The following LUZP2 variants were observed in gnomAD, a reference collection of about 807,000 sequenced individuals.
LUZP2 encodes the protein leucine zipper protein 2.
Under a neutral mutation model 51.6 loss-of-function variants are expected in LUZP2, and 52 were observed. That is an observed-to-expected ratio of 1.01 (90% confidence interval 0.81 to 1.27). LUZP2 has a LOEUF of 1.27. LUZP2 is among the 50% of genes most tolerant of loss of function. The pLI is 0.00. For missense variants in LUZP2, 436 were observed against 395.4 expected (o/e 1.10, Z -0.87); for synonymous variants, 154 against 137.3 (o/e 1.12, Z -0.85).
intron 9 of LUZP2, among the ~76,000 whole-genome samples, chr11:25,044,987 C>A (rs1858250101): frequency 7.2e-6 from 1 of 138,990 alleles, no homozygotes; most frequent in Admixed American, 8.3e-5. Flanking sequence ...CATGTTCTCA[C>A]TCATAGGTGG....
At chr11:24,557,158 T>C (rs146174401) in intron 1 of LUZP2, among the ~76,000 whole-genome samples, 1 of 150,002 alleles carries the variant, frequency 6.7e-6, no homozygotes, top group Non-Finnish European at 1.5e-5. Context: ...TGATGACTTG[T>C]CTTTATTTGC....
chr11:24,556,362 G>A (rs1396853), intron 1 of LUZP2, among the ~76,000 whole-genome samples: 150,713 of 152,298 alleles, frequency 0.99, 74,596 homozygotes, highest in Non-Finnish European at 1. Context: ...TAAAATTATT[G>A]TCTAATAGTT....
intron 9 of LUZP2, among the ~76,000 whole-genome samples, chr11:25,007,299 A>G (rs1856859908): frequency 6.6e-6 from 1 of 152,176 alleles, no homozygotes; most frequent in Admixed American, 6.5e-5. Context: ...AAATCCTATA[A>G]AAGTTGTAAA....
At chr11:24,765,438 C>A (rs1301968439) in intron 5 of LUZP2, among the ~76,000 whole-genome samples, 1 of 152,014 alleles carries the variant, frequency 6.6e-6, no homozygotes, top group Non-Finnish European at 1.5e-5. Context: ...CCCTCCTATG[C>A]CTATTTTGTT....
intron 9 of LUZP2, among the ~76,000 whole-genome samples, chr11:24,996,682 A>G (rs1002996516): frequency 6.7e-6 from 1 of 150,156 alleles, no homozygotes; most frequent in African/African-American, 2.5e-5. Context: ...GGTTAGTTAC[A>G]TATGTATACA....
chr11:24,711,889 T>G (rs1266561172), intron 1 of LUZP2, among the ~76,000 whole-genome samples: 4 of 152,174 alleles, frequency 2.6e-5, no homozygotes, highest in Non-Finnish European at 2.9e-5. Context: ...TAGAACCTTA[T>G]TCATTATGAC....
intron 1 of LUZP2, among the ~76,000 whole-genome samples, chr11:24,713,617 A>G (rs755575730): frequency 8.6e-5 from 13 of 150,384 alleles, no homozygotes; most frequent in Non-Finnish European, 1.9e-4. Context: ...AAGTGGCAAG[A>G]TCACCTGAGG....
intron 1 of LUZP2, among the ~76,000 whole-genome samples, chr11:24,552,376 T>A (rs1851747442): frequency 6.6e-6 from 1 of 151,964 alleles, no homozygotes; most frequent in Non-Finnish European, 1.5e-5. Context: ...TTGATAAAAC[T>A]TTGTCAAAAC....
chr11:25,070,770 GGTGTGTGTGTGT>G (rs67504954), intron 10 of LUZP2, among the ~76,000 whole-genome samples: 1,455 of 141,348 alleles, frequency 0.01, 36 homozygotes, highest in East Asian at 0.1. Flanking sequence ...GACTGTGTAT[GGTGTGTGTGTGT>G]GTGTGTGTGT....
intron 7 of LUZP2, among the ~76,000 whole-genome samples, chr11:24,932,604 T>C (rs1484270984): frequency 6.6e-6 from 1 of 152,102 alleles, no homozygotes; most frequent in African/African-American, 2.4e-5. Flanking sequence ...GAAACCAGCC[T>C]CACCCAGCTC....
chr11:24,733,779 A>T (rs1467323249), intron 3 of LUZP2, among the ~76,000 whole-genome samples: 1 of 151,768 alleles, frequency 6.6e-6, no homozygotes, highest in African/African-American at 2.4e-5. Flanking sequence ...AAAGAGACCA[A>T]GAGATGCTGA....
intron 5 of LUZP2, among the ~76,000 whole-genome samples, chr11:24,814,008 G>A (rs1850097620): frequency 6.6e-6 from 1 of 152,330 alleles, no homozygotes; most frequent in South Asian, 2.1e-4. Context: ...TGTTTGTAAA[G>A]CACTTGGCAC....
At chr11:24,891,975 C>G in intron 5 of LUZP2, 1 of 985,538 alleles carries the variant, frequency 1.0e-6, no homozygotes, top group Non-Finnish European at 1.2e-6. Context: ...GTGTCCAGTA[C>G]AGTAGGTATA....
At chr11:24,764,950 A>C (rs1249915343) in intron 5 of LUZP2, among the ~76,000 whole-genome samples, 1 of 152,210 alleles carries the variant, frequency 6.6e-6, no homozygotes, top group Non-Finnish European at 1.5e-5. Flanking sequence ...AATAATTCAG[A>C]AAGAAATACA....
intron 7 of LUZP2, among the ~76,000 whole-genome samples, chr11:24,950,245 G>C (rs1359799487): frequency 6.6e-6 from 1 of 151,182 alleles, no homozygotes; most frequent in East Asian, 1.9e-4. Context: ...ATGGATGAAG[G>C]AATAAAAGAA....
intron 9 of LUZP2, among the ~76,000 whole-genome samples, chr11:24,984,587 G>A (rs1377891784): frequency 7.9e-6 from 1 of 126,214 alleles, no homozygotes; most frequent in African/African-American, 2.9e-5. Flanking sequence ...CACGAAGGGA[G>A]GAGTACAAAA....
intron 7 of LUZP2, among the ~76,000 whole-genome samples, chr11:24,962,743 A>T (rs1855453788): frequency 2.0e-5 from 3 of 152,118 alleles, no homozygotes; most frequent in Admixed American, 2.0e-4. Flanking sequence ...TGATCATCTG[A>T]AGCCTTCTTC....
intron 1 of LUZP2, among the ~76,000 whole-genome samples, chr11:24,541,737 C>T (rs11027992): frequency 0.18 from 27,842 of 152,020 alleles, 3,105 homozygotes; most frequent in Middle Eastern, 0.34. Context: ...CCTTATGCCA[C>T]ATAATCTCAG....
At chr11:24,508,939 C>CA (rs1204147829) in intron 1 of LUZP2, among the ~76,000 whole-genome samples, 1 of 152,052 alleles carries the variant, frequency 6.6e-6, no homozygotes, top group Non-Finnish European at 1.5e-5. Context: ...GATTCTAATT[C>CA]AAGGTCAGGA....
Sources: allele counts gnomAD v4.1 joint callset (sites outside exome capture counted in the v4.1 genomes callset), GRCh38; gene constraint gnomAD v4.1.1; transcripts MANE v1.5; gene names NCBI Gene and HGNC (gene_info 2026-07-23, HGNC 2026-07-21).